SEC61G: variants seen among roughly 807,000 people sequenced by gnomAD.
SEC61G encodes the protein protein transport protein Sec61 subunit gamma.
A neutral mutation model predicts 7.5 loss-of-function variants in SEC61G; 4 were observed. The observed-to-expected ratio is 0.54, with a 90% CI of 0.26 to 1.22. The LOEUF is 1.22. Ranked by LOEUF, SEC61G falls within the 50% of genes most tolerant of loss-of-function variation. The probability of loss-of-function intolerance (pLI) is 0.12; values close to 1 mark genes in which losing one functional copy is unlikely to be tolerated. For missense variants in SEC61G, 53 were observed against 84.6 expected, an observed-to-expected ratio of 0.63 and a Z score of 1.46; for synonymous variants, 24 against 24.4, an observed-to-expected ratio of 0.98 and a Z score of 0.05.
intron 2 of SEC61G, 56 bp downstream of exon 2, chr7:54,757,439 C>T: frequency 1.4e-6 from 2 of 1,413,404 alleles, no homozygotes; most frequent in Non-Finnish European, 2.0e-6. Context: ...GTTAATCAAA[C>T]AAAAGGCTTA....
In SEC61G at chr7:54,757,431, T is replaced by G. The variant is rs886875715; in HGVS notation, c.94+64A>C. 25 of 1,293,006 alleles carry G rather than the reference T, an allele frequency of 1.9e-5. No homozygotes were observed. In the East Asian group the frequency reaches 5.8e-4, roughly 30 times the overall value. The allele number at this position is 1,293,006 out of a possible 1,614,324, so 80.1% of individuals were successfully genotyped here. ...ATGCAAGGGCTATTAATCAAGATGTTAATCAAACAAAAGGCTTAGAAAATG... is the reference window on the plus strand; with the variant it reads ...ATGCAAGGGCTATTAATCAAGATGTGAATCAAACAAAAGGCTTAGAAAATG... On this transcript the variant is annotated intron_variant, in intron 2 of 3. Transcript: ENST00000352861.
chr7:54,758,356 G>C (rs1227908843), intron 1 of SEC61G, among the ~76,000 whole-genome samples: 2 of 152,074 alleles, frequency 1.3e-5, no homozygotes, highest in Non-Finnish European at 2.9e-5. Flanking sequence ...AAGCAGCCAG[G>C]GTGTTATTTG....
rs760883982 is a variant in SEC61G at position 54,759,189 on chromosome 7, ACG to A, written c.-40_-39del. ...AACCGACACCTAAAATGCCAGGGACACGTAGCACTGGAGCTTGCTGATGGAGG... is the reference window on the plus strand; with the variant it reads ...AACCGACACCTAAAATGCCAGGGACATAGCACTGGAGCTTGCTGATGGAGG... On this transcript the variant is annotated 5_prime_UTR_variant, in exon 1 of 4. In the 5' UTR this introduces an upstream ATG that the reference lacks. Transcript: ENST00000352861. The A allele has an allele frequency of 1.9e-6, 1 of 519,068 alleles. No individual in the cohort carries two copies. Among genetic ancestry groups the A allele is most frequent in the Non-Finnish European group, 3.8e-6 (1 of 259,862 alleles). 32.2% of individuals were successfully genotyped at this position (519,068 alleles called of 1,614,324 possible). A position where few individuals can be genotyped will look rare whatever the true frequency, so the allele number is the denominator to read the frequency against.
chr7:54,755,668 C>A (rs538857558), intron 3 of SEC61G, 111 bp downstream of exon 3: 7 of 512,566 alleles, frequency 1.4e-5, no homozygotes, highest in Non-Finnish European at 1.7e-5. Flanking sequence ...TAGACTCCAA[C>A]AGCACTAAAA....
chr7:54,756,971 A>ATACTATATACTATATACTATATT (rs1791531301), intron 2 of SEC61G, among the ~76,000 whole-genome samples: 2 of 97,752 alleles, frequency 2.0e-5, no homozygotes, highest in Non-Finnish European at 5.1e-5. Context: ...TATACTATAT[A>ATACTATATACTATATACTATATT]TACTATATAC....
rs1429002189 is a variant in SEC61G, at chr7:54,756,748, T to C, written c.94+747A>G. Among the ~76,000 whole-genome samples the C allele has an allele frequency of 3.3e-5, 5 of 152,184 alleles. No homozygotes were observed. The East Asian group carries it at 7.7e-4, about 24-fold the overall frequency. On this transcript the variant is annotated intron_variant, in intron 2 of 3. Coordinates refer to ENST00000352861, the MANE Select transcript of SEC61G (RefSeq NM_014302.4). ...TTCCCTGATCTCCTGACTTGGTTAG[T>C]CCTCCTATTATGTGCTGTCAAACTT...
chr7:54,758,454 G>C (rs576680510), intron 1 of SEC61G, among the ~76,000 whole-genome samples: 1 of 152,302 alleles, frequency 6.6e-6, no homozygotes, highest in Non-Finnish European at 1.5e-5. Context: ...GTAAGCCCCA[G>C]TTGCCTTCCT....
intron 2 of SEC61G, 56 bp from the exon 3 acceptor site, chr7:54,755,937 G>GA (rs1436655839): frequency 2.1e-4 from 198 of 952,708 alleles, no homozygotes; most frequent in Non-Finnish European, 3.0e-4. Flanking sequence ...GAAAGTATGG[G>GA]AAAAAAACTA....
chr7:54,754,304 C>T (rs1791466932), intron 3 of SEC61G, among the ~76,000 whole-genome samples: 1 of 152,120 alleles, frequency 6.6e-6, no homozygotes, highest in Non-Finnish European at 1.5e-5. Flanking sequence ...GAAACACTTC[C>T]TATCAATAAA....
At chr7:54,755,934 T>G in intron 2 of SEC61G, 53 bp from the exon 3 acceptor site, 1 of 1,060,638 alleles carries the variant, frequency 9.4e-7, no homozygotes, top group African/African-American at 1.6e-5. Context: ...ACTGAAAGTA[T>G]GGGAAAAAAA....
At chr7:54,757,094 T>A (rs1791535267) in intron 2 of SEC61G, among the ~76,000 whole-genome samples, 1 of 151,322 alleles carries the variant, frequency 6.6e-6, no homozygotes, top group African/African-American at 2.4e-5. Context: ...AACACATGAA[T>A]CATGATAAAT....
intron 1 of SEC61G, among the ~76,000 whole-genome samples, chr7:54,758,742 AC>A (rs1188359132): frequency 5.3e-5 from 8 of 152,316 alleles, no homozygotes; most frequent in Non-Finnish European, 1.2e-4. Context: ...TAGACTCTAG[AC>A]CAATGCTCTC....
At position 54,759,167 on chromosome 7, in the gene SEC61G, C is replaced by T. The variant is rs1463023967; in HGVS notation, c.-16G>A. ...GTGGGAAGAAACTCACCTACCCAAC[C>T]GACACCTAAAATGCCAGGGACACGT... On this transcript the variant is annotated 5_prime_UTR_variant, in exon 1 of 4. Coordinates refer to ENST00000352861, the MANE Select transcript of SEC61G (RefSeq NM_014302.4). 5.8e-6 allele frequency: 3 copies of T among 519,008 alleles called. No individual in the cohort carries two copies. Among genetic ancestry groups the T allele is most frequent in the Non-Finnish European group, 1.2e-5 (3 of 259,844 alleles). 32.2% of individuals were successfully genotyped at this position (519,008 alleles called of 1,614,324 possible).
At chr7:54,757,798 TAAGAA>T (rs1290186323) in intron 1 of SEC61G, among the ~76,000 whole-genome samples, 1 of 152,172 alleles carries the variant, frequency 6.6e-6, no homozygotes, top group African/African-American at 2.4e-5. Context: ...TCAAAGGCAA[TAAGAA>T]AAGCACAGAT....
In SEC61G at chr7:54,752,510, C is replaced by T. The variant is rs17672638; in HGVS notation, c.198-90G>A. 4.0e-3 allele frequency: 2,890 copies of T among 715,894 alleles called. 44 individuals carry two copies. Among genetic ancestry groups the T allele is most frequent in the Admixed American group, 0.034 (1,056 of 31,046 alleles). 44.3% of individuals were successfully genotyped at this position (715,894 alleles called of 1,614,324 possible). A position where few individuals can be genotyped will look rare whatever the true frequency, so the allele number is the denominator to read the frequency against. On this transcript the variant is annotated intron_variant, in intron 3 of 3. Coordinates refer to ENST00000352861, the MANE Select transcript of SEC61G (RefSeq NM_014302.4). The stretch of plus-strand genomic sequence containing the variant: ...GAAATGCAATATGCTATAACTTTAA[C>T]GGCTCAAGACCAATTATGTGAATCC...
At position 54,757,478 on chromosome 7, in the gene SEC61G, C is replaced by A. The variant is rs774261601; in HGVS notation, c.94+17G>T. ...AATGCAAAGATTTAATTTTTTCTCT[C>A]ATAGTCAAGCAATTACCTTTTCTAT... On this transcript the variant is annotated intron_variant, in intron 2 of 3. Coordinates refer to ENST00000352861, the MANE Select transcript of SEC61G (RefSeq NM_014302.4). 1 of 1,598,242 alleles carries A rather than the reference C, an allele frequency of 6.3e-7. No individual in the cohort carries two copies. The highest frequency in any genetic ancestry group is 1.1e-5 in the South Asian group (1 of 90,478).
intron 2 of SEC61G, among the ~76,000 whole-genome samples, chr7:54,756,429 G>A (rs1331475675): frequency 1.3e-5 from 2 of 152,176 alleles, no homozygotes; most frequent in African/African-American, 4.8e-5. Flanking sequence ...GCCGAAGTGG[G>A]CAGATCACCC....
chr7:54,758,838 C>A (rs1190404877), intron 1 of SEC61G, among the ~76,000 whole-genome samples: 1 of 152,218 alleles, frequency 6.6e-6, no homozygotes, highest in African/African-American at 2.4e-5. Flanking sequence ...ACAGAGCCAA[C>A]CCCGAAGGGA....
intron 2 of SEC61G, among the ~76,000 whole-genome samples, chr7:54,756,974 C>CTATATACTATATTATATACTA (rs1424444260): frequency 4.1e-5 from 4 of 96,862 alleles, no homozygotes; most frequent in South Asian, 4.6e-4. Context: ...ACTATATATA[C>CTATATACTATATTATATACTA]TATATACTAT....
Sources: allele counts gnomAD v4.1 joint callset (sites outside exome capture counted in the v4.1 genomes callset), GRCh38; gene constraint gnomAD v4.1.1; transcripts MANE v1.5; gene names NCBI Gene and HGNC (gene_info 2026-07-23, HGNC 2026-07-21).